The following CCDC88C variants were observed in gnomAD, a reference collection of about 807,000 sequenced individuals.
CCDC88C encodes the protein coiled-coil and HOOK domain protein 88C.
CCDC88C carries 131 observed loss-of-function variants against 198.8 expected under a neutral mutation model. That is an observed-to-expected ratio of 0.66 (90% CI 0.57 to 0.76). CCDC88C has a LOEUF of 0.76. Among genes scored for constraint, CCDC88C ranks in the 30% least tolerant of loss-of-function variants. The pLI is 0.00. For synonymous variants in CCDC88C, 1,166 were observed against 1,114.7 expected (o/e 1.05, Z -0.92); for missense variants, 2,553 against 2,631.6 (o/e 0.97, Z 0.65).
chr14:91,309,231 TCAAAA>T (rs1363259144), intron 16 of CCDC88C, among the ~76,000 whole-genome samples: 2 of 152,088 alleles, frequency 1.3e-5, no homozygotes, highest in Non-Finnish European at 2.9e-5. Context: ...ACACTTCGTC[TCAAAA>T]CAACAACAAA....
intron 6 of CCDC88C, 121 bp downstream of exon 6, chr14:91,342,259 T>A (rs1893342469): frequency 3.3e-6 from 2 of 613,914 alleles, no homozygotes; most frequent in Admixed American, 2.5e-5. Context: ...AACCTAAGAT[T>A]AGCAAAATCG....
At chr14:91,405,937 T>C (rs549600583) in intron 3 of CCDC88C, among the ~76,000 whole-genome samples, 1 of 152,250 alleles carries the variant, frequency 6.6e-6, no homozygotes, top group East Asian at 1.9e-4. Flanking sequence ...TGACTGACCA[T>C]TTGCTCTGAG....
intron 10 of CCDC88C, among the ~76,000 whole-genome samples, chr14:91,335,737 A>C (rs1175406646): frequency 6.6e-6 from 1 of 152,200 alleles, no homozygotes; most frequent in Non-Finnish European, 1.5e-5. Flanking sequence ...TCACAATCGG[A>C]AAGGTTTCAA....
At chr14:91,315,341 T>C (rs1892045946) in intron 14 of CCDC88C, among the ~76,000 whole-genome samples, 1 of 152,106 alleles carries the variant, frequency 6.6e-6, no homozygotes, top group South Asian at 2.1e-4. Flanking sequence ...ACCTGCGCAC[T>C]GCAGAATATG....
intron 3 of CCDC88C, among the ~76,000 whole-genome samples, chr14:91,366,349 A>G (rs963503552): frequency 1.3e-5 from 2 of 152,112 alleles, no homozygotes; most frequent in Non-Finnish European, 2.9e-5. Flanking sequence ...AGCCAGGCAC[A>G]GTGGCATGTG....
intron 3 of CCDC88C, 22 bp downstream of exon 3, chr14:91,408,637 C>T (rs1229927182): frequency 2.1e-6 from 3 of 1,451,928 alleles, no homozygotes; most frequent in Non-Finnish European, 2.9e-6. Flanking sequence ...ATCAGAATTC[C>T]CGACAGCAGA....
At chr14:91,358,469 G>C (rs1190423926) in intron 4 of CCDC88C, among the ~76,000 whole-genome samples, 1 of 152,198 alleles carries the variant, frequency 6.6e-6, no homozygotes, top group African/African-American at 2.4e-5. Context: ...TCAGAACAAG[G>C]GAAGTCCTAG....
intron 3 of CCDC88C, among the ~76,000 whole-genome samples, chr14:91,400,547 C>A (rs1204274906): frequency 6.6e-6 from 1 of 152,230 alleles, no homozygotes; most frequent in Non-Finnish European, 1.5e-5. Context: ...CTAATGGCTG[C>A]CTTGTTCTCT....
Position 91,313,541 on chromosome 14 carries a change from G to A in CCDC88C, c.2275C>T (p.Leu759Phe), listed in dbSNP as rs558480299. The change falls in exon 15 of 30, where the codon CTC becomes TTC. Residue 759 changes from leucine to phenylalanine, a missense_variant. This residue lies in a region of CCDC88C where 1,260 missense variants were observed against 1,412.0 expected (regional missense o/e 0.89). Transcript: ENST00000389857. The surrounding 1 kb of genome is among the most constrained non-coding windows in gnomAD (Gnocchi z 5.2). Reference sequence around the variant, plus strand: ...TCAGCGCTCACGCTCTGGTAGCTGAGCTCCAGGCGCTCTGACTTCTTGCCC... The same window carrying A: ...TCAGCGCTCACGCTCTGGTAGCTGAACTCCAGGCGCTCTGACTTCTTGCCC... ...ALGKKSERLE[L>F]SYQSVSAENL... is the part of the protein sequence containing the mutation. 1.9e-4 allele frequency: 313 copies of A among 1,610,242 alleles called. 3 individuals are homozygous for A. In the South Asian group the frequency reaches 2.2e-3, roughly 11 times the overall value.
chr14:91,381,982 A>G lies in CCDC88C; in HGVS notation c.271-22271T>C, dbSNP rs1211477607. On this transcript the variant is annotated intron_variant, in intron 3 of 29. Coordinates refer to ENST00000389857, the MANE Select transcript of CCDC88C (RefSeq NM_001080414.4). This position sits in a 1 kb window ranked among gnomAD's most constrained non-coding sequence, Gnocchi z 4.2. ...CGACATCTTGTCTTCATTGTTTCAC[A>G]CTTTGACTCATCCTCTACTAGGATA... Among the ~76,000 whole-genome samples, 7 of 152,080 alleles carry G rather than the reference A, an allele frequency of 4.6e-5. No homozygotes were observed. Among genetic ancestry groups the G allele is most frequent in the Non-Finnish European group, 1.0e-4 (7 of 68,034 alleles).
intron 21 of CCDC88C, among the ~76,000 whole-genome samples, chr14:91,299,141 C>T (rs1242256532): frequency 6.6e-6 from 1 of 152,192 alleles, no homozygotes; most frequent in African/African-American, 2.4e-5. Context: ...CTGATCAATA[C>T]ATAACCTTGT....
intron 3 of CCDC88C, among the ~76,000 whole-genome samples, chr14:91,364,811 G>A (rs1054809248): frequency 7.2e-5 from 11 of 152,270 alleles, no homozygotes; most frequent in African/African-American, 2.2e-4. Flanking sequence ...GGCTTTCCAA[G>A]GTCACAGGCG....
At chr14:91,376,694 G>T (rs1285092897) in intron 3 of CCDC88C, among the ~76,000 whole-genome samples, 1 of 152,196 alleles carries the variant, frequency 6.6e-6, no homozygotes. Context: ...CTGTCTGTGG[G>T]GAGGCCCAGG....
At position 91,337,990 on chromosome 14, in the gene CCDC88C, A is replaced by G. The variant is rs1409659392; in HGVS notation, c.1050+15T>C. 3.1e-6 allele frequency: 5 copies of G among 1,608,366 alleles called. No homozygotes were observed. Among genetic ancestry groups the G allele is most frequent in the Non-Finnish European group, 4.2e-6 (5 of 1,179,800 alleles). On this transcript the variant is annotated intron_variant, in intron 10 of 29. Transcript: ENST00000389857. ...CAGCAGCCCCATCCAGGGGCCTCACAGCAAGGCTCCCTACCTCCATGCGGG... is the reference window on the plus strand; with the variant it reads ...CAGCAGCCCCATCCAGGGGCCTCACGGCAAGGCTCCCTACCTCCATGCGGG...
Position 91,272,633 on chromosome 14 carries a change from A to G in CCDC88C, c.6079T>C (p.Cys2027Arg), listed in dbSNP as rs763815939. 4.3e-6 allele frequency: 7 copies of G among 1,609,646 alleles called. No homozygotes were observed. The African/African-American group carries it at 9.3e-5, about 21-fold the overall frequency. The change falls in exon 30 of 30, where the codon TGT becomes CGT. Residue 2027 changes from cysteine (C) to arginine (R), a missense_variant. Coordinates refer to ENST00000389857, the MANE Select transcript of CCDC88C (RefSeq NM_001080414.4). Reference protein sequence around the residue: ...DPQTVWYEYGCV With the variant: ...DPQTVWYEYGRV ...GCTCAACCACGAGACAGTCACACAC[A>G]GCCGTACTCATACCACACGGTCTGC...
chr14:91,345,188 A>G (rs202154635), intron 4 of CCDC88C, among the ~76,000 whole-genome samples: 7 of 64,086 alleles, frequency 1.1e-4, no homozygotes, highest in Non-Finnish European at 1.8e-4. Flanking sequence ...ATATATATAT[A>G]TATTTTTTTT....
chr14:91,325,050 AAC>A lies in CCDC88C; in HGVS notation c.1198-129_1198-128del, dbSNP rs1397973229. On this transcript the variant is annotated intron_variant, in intron 11 of 29. Transcript: ENST00000389857. The surrounding 1 kb of genome is among the most constrained non-coding windows in gnomAD (Gnocchi z 4.1). ...AGATGTACTGGCTCACTTCCAAATAAACAGAGCTGCACAGAAACATCCCAACA... is the reference window on the plus strand; with the variant it reads ...AGATGTACTGGCTCACTTCCAAATAAAGAGCTGCACAGAAACATCCCAACA... 10 of 1,200,110 alleles carry A rather than the reference AAC, an allele frequency of 8.3e-6. No individual in the cohort carries two copies. Among genetic ancestry groups the A allele is most frequent in the Non-Finnish European group, 1.1e-5 (9 of 848,332 alleles). 74.3% of individuals were successfully genotyped at this position (1,200,110 alleles called of 1,614,324 possible).
intron 3 of CCDC88C, among the ~76,000 whole-genome samples, chr14:91,386,703 G>A (rs1471849245): frequency 6.6e-6 from 1 of 152,192 alleles, no homozygotes; most frequent in African/African-American, 2.4e-5. Context: ...GCCCAGTGTT[G>A]GACGTGATTG....
Position 91,274,904 on chromosome 14 carries a change from C to T in CCDC88C, c.5059-1251G>A, listed in dbSNP as rs532835097. ...AGCCTATGGCTGCCTGACTCCAGAG[C>T]TGCTTTCCACTCCACCAGGCTCCTC... is the stretch of plus-strand genomic sequence containing the variant. On this transcript the variant is annotated intron_variant, in intron 29 of 29. Transcript: ENST00000389857. Among the ~76,000 whole-genome samples, 32 of 152,336 alleles carry T rather than the reference C, an allele frequency of 2.1e-4. 1 individual carries two copies. Among genetic ancestry groups the T allele is most frequent in the African/African-American group, 7.7e-4 (32 of 41,582 alleles).
Sources: gnomAD v4.1 joint callset for allele counts (sites outside exome capture counted in the v4.1 genomes callset) on GRCh38, gnomAD v4.1.1 for gene constraint, gnomAD v4.1.1 regional missense constraint, Gnocchi (gnomAD v3.1) non-coding constraint, MANE v1.5 for transcripts, NCBI Gene and HGNC (gene_info 2026-07-23, HGNC 2026-07-21) for gene names.